Variants in EML1 observed in about 807,000 individuals in gnomAD.
EML1 encodes echinoderm microtubule-associated protein-like 1.
EML1 carries 27 observed loss-of-function variants against 110.4 expected under a neutral mutation model. The ratio of observed to expected loss-of-function variants is 0.24; its 90% CI spans 0.18 to 0.34. The LOEUF (loss-of-function observed/expected upper bound fraction) is 0.34, where lower values mean the gene tolerates loss of function less well. Among genes scored for constraint, EML1 ranks in the 10% least tolerant of loss-of-function variants. The pLI is 1.00. For missense variants in EML1, 741 were observed against 1,030.9 expected, an observed-to-expected ratio of 0.72 and a Z score of 3.85; for synonymous variants, 344 against 385.8, an observed-to-expected ratio of 0.89 and a Z score of 1.27.
intron 1 of EML1, among the ~76,000 whole-genome samples, chr14:99,795,250 G>A (rs1456988699): frequency 6.6e-6 from 1 of 152,114 alleles, no homozygotes; most frequent in Non-Finnish European, 1.5e-5. Context: ...GAATGTTTTC[G>A]TTTTCTGCAT....
intron 1 of EML1, among the ~76,000 whole-genome samples, chr14:99,751,862 G>T (rs2057179618): frequency 6.6e-6 from 1 of 152,128 alleles, no homozygotes; most frequent in South Asian, 2.1e-4. Context: ...AGTCTGAAAA[G>T]GATATTGGTA....
chr14:99,794,198 TG>T (rs1239449915), intron 1 of EML1, among the ~76,000 whole-genome samples: 4 of 152,246 alleles, frequency 2.6e-5, no homozygotes, highest in Non-Finnish European at 5.9e-5. Flanking sequence ...TCCACCAATA[TG>T]GCATCTTTTT....
chr14:99,840,839 C>T (rs1428643767), intron 1 of EML1, among the ~76,000 whole-genome samples: 1 of 152,188 alleles, frequency 6.6e-6, no homozygotes, highest in African/African-American at 2.4e-5. Flanking sequence ...GAGTGAAACA[C>T]ATCATGTTAC....
intron 1 of EML1, among the ~76,000 whole-genome samples, chr14:99,758,209 G>C (rs2057277097): frequency 6.6e-6 from 1 of 152,232 alleles, no homozygotes; most frequent in Non-Finnish European, 1.5e-5. Flanking sequence ...GTGTTCGAGA[G>C]TCAACGGAAG....
chr14:99,859,032 G>A (rs891491895), intron 2 of EML1, among the ~76,000 whole-genome samples: 1 of 152,142 alleles, frequency 6.6e-6, no homozygotes, highest in Non-Finnish European at 1.5e-5. Context: ...AAATGCATTA[G>A]TAGATTTGGC....
chr14:99,935,777 G>A (rs1434502679), intron 17 of EML1, among the ~76,000 whole-genome samples: 4 of 90,228 alleles, frequency 4.4e-5, no homozygotes, highest in Non-Finnish European at 7.5e-5. Flanking sequence ...GCGAGACTCC[G>A]TCTCAAAAAA....
At chr14:99,739,200 C>G (rs1250707051) in intron 1 of EML1, among the ~76,000 whole-genome samples, 2 of 150,948 alleles carry the variant, frequency 1.3e-5, no homozygotes, top group Non-Finnish European at 2.9e-5. Flanking sequence ...TCACCCTCTT[C>G]CACTGGGTGC....
intron 17 of EML1, among the ~76,000 whole-genome samples, chr14:99,928,231 T>A (rs796723582): frequency 6.9e-4 from 16 of 23,268 alleles, no homozygotes; most frequent in African/African-American, 9.7e-4. Flanking sequence ...GTGGTGGTGG[T>A]GGTGGTGGTG....
chr14:99,914,276 T>C lies in EML1; in HGVS notation c.1592T>C (p.Leu531Pro). 6.2e-7 allele frequency: 1 copy of C among 1,613,938 alleles called. No individual in the cohort carries two copies. The highest frequency in any genetic ancestry group is 1.1e-5 in the South Asian group (1 of 91,080). ...CGAAACTTTGTCCTGCAGGGCACTC[T>C]GTCAGGGGACTTCACACCCATTACT... ...TTRNFVLQGTLSGDFTPITQG... is the reference protein window; with the variant it reads ...TTRNFVLQGTPSGDFTPITQG... The change falls in exon 14 of 22, where the codon CTG (leucine) becomes CCG (proline). Residue 531 changes from leucine to proline, a missense_variant. By Grantham distance (98) the Leu-to-Pro change is moderately conservative. Around this residue, in one of 4 missense-constraint regions of EML1, gnomAD observed 388 missense variants for 605.6 expected, o/e 0.64. Coordinates refer to ENST00000262233, the MANE Select transcript of EML1 (RefSeq NM_004434.3).
Position 99,939,272 on chromosome 14 carries a change from C to T in EML1, c.2267C>T (p.Thr756Ile). The change falls in exon 21 of 22, where the codon ACA (threonine) becomes ATA (isoleucine). Residue 756 changes from threonine to isoleucine, a missense_variant. Thr to Ile is a moderately conservative substitution (Grantham distance 89). Around this residue, in one of 4 missense-constraint regions of EML1, gnomAD observed 114 missense variants for 122.5 expected, o/e 0.93. Coordinates refer to ENST00000262233, the MANE Select transcript of EML1 (RefSeq NM_004434.3). The surrounding 1 kb of genome is among the most constrained non-coding windows in gnomAD (Gnocchi z 4.2). ...CRAHEKKLLS[T>I]GDDFGKVHLF... ...GCCCATGAGAAGAAACTCCTGTCAA[C>T]AGGCGACGACTTTGGCAAAGTGCAC... is the stretch of plus-strand genomic sequence containing the variant. 3 of 1,614,240 alleles carry T rather than the reference C, an allele frequency of 1.9e-6. No individual in the cohort carries two copies. The highest frequency in any genetic ancestry group is 1.6e-4 in the Middle Eastern group (1 of 6,062).
chr14:99,782,413 T>G (rs28669755), intron 1 of EML1, among the ~76,000 whole-genome samples: 18,150 of 152,040 alleles, frequency 0.12, 1,987 homozygotes, highest in African/African-American at 0.29. Context: ...CCTGTGTGAG[T>G]GTGACCTGCG....
At position 99,874,841 on chromosome 14, in the gene EML1, A is replaced by G. The variant is rs900420933; in HGVS notation, c.384-3644A>G. On this transcript the variant is annotated intron_variant, in intron 3 of 21. Transcript: ENST00000262233. ...TCGATTTTGATGTGTGCGTCCTGCA[A>G]TTTACTGAAGCTTATCAAAATACTT... 17 of 1,275,636 alleles carry G rather than the reference A, an allele frequency of 1.3e-5. No individual in the cohort carries two copies. In the East Asian group the frequency reaches 2.2e-4, roughly 17 times the overall value. 79.0% of individuals were successfully genotyped at this position (1,275,636 alleles called of 1,614,324 possible).
At chr14:99,782,592 G>C (rs1318278247) in intron 1 of EML1, among the ~76,000 whole-genome samples, 1 of 152,216 alleles carries the variant, frequency 6.6e-6, no homozygotes, top group African/African-American at 2.4e-5. Context: ...GACCAAGCCT[G>C]TGAGGGAGAT....
intron 17 of EML1, 101 bp from the exon 18 acceptor site, chr14:99,935,928 G>A (rs2060462327): frequency 1.9e-6 from 2 of 1,067,196 alleles, no homozygotes; most frequent in African/African-American, 1.6e-5. Flanking sequence ...CATTAATCTG[G>A]TGATTTTGTC....
At position 99,811,351 on chromosome 14, in the gene EML1, T is replaced by A. The variant is rs2139714862; in HGVS notation, c.67+17808T>A. ...TCGAGCCACTGTGCCTTGTGTTGAG[T>A]GTAACATTTGACTCCTCAAAGTCTT... is the stretch of plus-strand genomic sequence containing the variant. On this transcript the variant is annotated intron_variant, in intron 1 of 21. Coordinates refer to ENST00000262233, the MANE Select transcript of EML1 (RefSeq NM_004434.3). 2.0e-5 allele frequency among the ~76,000 whole-genome samples: 3 copies of A among 147,890 alleles called. 1 individual carries two copies. In the South Asian group the frequency reaches 6.4e-4, roughly 32 times the overall value.
intron 1 of EML1, among the ~76,000 whole-genome samples, chr14:99,802,051 G>A (rs2139685984): frequency 6.6e-6 from 1 of 152,236 alleles, no homozygotes; most frequent in South Asian, 2.1e-4. Context: ...CAGCACTGGG[G>A]GGCATGTATC....
At chr14:99,804,040 G>C (rs2057928426) in intron 1 of EML1, among the ~76,000 whole-genome samples, 1 of 152,174 alleles carries the variant, frequency 6.6e-6, no homozygotes, top group South Asian at 2.1e-4. Context: ...CTGTTAGCTC[G>C]GCTTCACCGA....
intron 9 of EML1, among the ~76,000 whole-genome samples, chr14:99,904,396 A>G (rs987689994): frequency 6.6e-6 from 1 of 152,332 alleles, no homozygotes; most frequent in Middle Eastern, 3.4e-3. Flanking sequence ...CCACATTTCC[A>G]TGCCTTCTTA....
intron 1 of EML1, among the ~76,000 whole-genome samples, chr14:99,751,668 G>A (rs1432738748): frequency 6.6e-6 from 1 of 152,146 alleles, no homozygotes; most frequent in Non-Finnish European, 1.5e-5. Flanking sequence ...ACCGGGCCAT[G>A]GAGCTTCTGA....
Sources: allele counts gnomAD v4.1 joint callset (sites outside exome capture counted in the v4.1 genomes callset), GRCh38; gene constraint gnomAD v4.1.1; regional missense constraint gnomAD v4.1.1; non-coding constraint Gnocchi (gnomAD v3.1); transcripts MANE v1.5; gene names NCBI Gene and HGNC (gene_info 2026-07-23, HGNC 2026-07-21).